The following KIF6 variants were observed in gnomAD, a reference collection of about 807,000 sequenced individuals.
KIF6 encodes the protein kinesin family member 6.
Under a neutral mutation model 112.7 loss-of-function variants are expected in KIF6, and 106 were observed. The ratio of observed to expected loss-of-function variants is 0.94; its 90% CI spans 0.80 to 1.11. The LOEUF (loss-of-function observed/expected upper bound fraction) is 1.11. Ranked by LOEUF, KIF6 falls within the 50% of genes least tolerant of loss-of-function variation. KIF6 has a pLI of 0.00. For missense variants in KIF6, 929 were observed against 964.0 expected, an observed-to-expected ratio of 0.96 and a Z score of 0.48; for synonymous variants, 339 against 339.9, an observed-to-expected ratio of 1.00 and a Z score of 0.03.
At chr6:39,527,250 G>C (rs1777788678) in intron 13 of KIF6, among the ~76,000 whole-genome samples, 1 of 152,206 alleles carries the variant, frequency 6.6e-6, no homozygotes, top group Admixed American at 6.5e-5. Flanking sequence ...CAGAAGCACT[G>C]AGAAAGCTGG....
chr6:39,723,167 G>C (rs1207731736), intron 1 of KIF6, among the ~76,000 whole-genome samples: 2 of 152,178 alleles, frequency 1.3e-5, no homozygotes, highest in Non-Finnish European at 2.9e-5. Flanking sequence ...TATTAGAGGA[G>C]AGAAAATGGG....
At chr6:39,344,167 A>G (rs1383476338) in intron 21 of KIF6, among the ~76,000 whole-genome samples, 2 of 152,168 alleles carry the variant, frequency 1.3e-5, no homozygotes, top group African/African-American at 2.4e-5. Flanking sequence ...TTCTCGTGGT[A>G]GTGAATAAGT....
chr6:39,352,628 G>A (rs1196176599), intron 19 of KIF6, among the ~76,000 whole-genome samples: 1 of 147,220 alleles, frequency 6.8e-6, no homozygotes, highest in African/African-American at 2.5e-5. Flanking sequence ...TTTTGAGATG[G>A]AGTCTTGCTC....
rs551456039 is a variant in KIF6 at position 39,390,954 on chromosome 6, G to A, written c.1811-5282C>T. 1.2e-3 allele frequency among the ~76,000 whole-genome samples: 176 copies of A among 152,258 alleles called. 1 individual carries two copies. In the Middle Eastern group the frequency reaches 0.014, roughly 12 times the overall value. On this transcript the variant is annotated intron_variant, in intron 15 of 22. Transcript: ENST00000287152. ...AGAATAAATTGTGTAATCCTTACACGGATTCCCAACTAACAGGAGGATGTA... is the reference window on the plus strand; with the variant it reads ...AGAATAAATTGTGTAATCCTTACACAGATTCCCAACTAACAGGAGGATGTA...
intron 20 of KIF6, among the ~76,000 whole-genome samples, chr6:39,346,133 CT>C (rs1465436350): frequency 0.043 from 3,865 of 89,284 alleles, 360 homozygotes; most frequent in African/African-American, 0.11. Flanking sequence ...CTCCCTCTCC[CT>C]CTCTCTCTCT....
chr6:39,586,534 T>G (rs1561838852), intron 7 of KIF6, 130 bp from the exon 8 acceptor site: 4 of 677,076 alleles, frequency 5.9e-6, no homozygotes, highest in Non-Finnish European at 1.0e-5. Context: ...GCCCAAAACT[T>G]AAGTACAGAA....
At chr6:39,640,741 C>T (rs1301905703) in intron 3 of KIF6, among the ~76,000 whole-genome samples, 1 of 152,158 alleles carries the variant, frequency 6.6e-6, no homozygotes, top group Non-Finnish European at 1.5e-5. Flanking sequence ...TCTCCTAAAA[C>T]ACACAGGTTT....
intron 16 of KIF6, among the ~76,000 whole-genome samples, chr6:39,371,797 A>T (rs908972093): frequency 6.6e-6 from 1 of 152,078 alleles, no homozygotes; most frequent in African/African-American, 2.4e-5. Flanking sequence ...CCAATAAGGC[A>T]CATTCCCTCA....
chr6:39,576,964 G>A (rs2150635290), intron 10 of KIF6, among the ~76,000 whole-genome samples: 1 of 152,268 alleles, frequency 6.6e-6, no homozygotes, highest in East Asian at 1.9e-4. Flanking sequence ...GAGGGGAAAG[G>A]AACACCATAG....
intron 5 of KIF6, among the ~76,000 whole-genome samples, chr6:39,626,381 A>C (rs1021377711): frequency 2.6e-5 from 4 of 152,146 alleles, no homozygotes; most frequent in Non-Finnish European, 5.9e-5. Context: ...CCTAGAAACC[A>C]CAGTCTGCTT....
chr6:39,575,505 T>C (rs961155172), intron 10 of KIF6, among the ~76,000 whole-genome samples: 8 of 152,068 alleles, frequency 5.3e-5, no homozygotes, highest in Non-Finnish European at 8.8e-5. Flanking sequence ...CTCCTGACTT[T>C]GTGATCCGCC....
chr6:39,594,247 T>C (rs1782114990), intron 7 of KIF6, among the ~76,000 whole-genome samples: 1 of 151,788 alleles, frequency 6.6e-6, no homozygotes, highest in Non-Finnish European at 1.5e-5. Context: ...ACATTTCTCT[T>C]GAGTGATTAC....
intron 3 of KIF6, among the ~76,000 whole-genome samples, chr6:39,641,511 G>A (rs988895722): frequency 6.6e-6 from 1 of 151,922 alleles, no homozygotes. Flanking sequence ...GGGGACGGGG[G>A]AGGGATAGCA....
chr6:39,590,376 T>C (rs193122594), intron 7 of KIF6, among the ~76,000 whole-genome samples: 1 of 150,368 alleles, frequency 6.7e-6, no homozygotes, highest in East Asian at 1.9e-4. Flanking sequence ...TAAAGGAGAA[T>C]ATGCTTATTA....
At chr6:39,635,925 C>T (rs1027638134) in intron 4 of KIF6, among the ~76,000 whole-genome samples, 2 of 151,970 alleles carry the variant, frequency 1.3e-5, no homozygotes, top group Non-Finnish European at 2.9e-5. Context: ...AGCAGGTTGC[C>T]AGGGTGTCAG....
At chr6:39,572,349 C>T (rs1427342830) in intron 10 of KIF6, among the ~76,000 whole-genome samples, 1 of 152,082 alleles carries the variant, frequency 6.6e-6, no homozygotes. Flanking sequence ...AAAACTGTAA[C>T]TCCTTGGAAT....
intron 13 of KIF6, among the ~76,000 whole-genome samples, chr6:39,509,979 G>A (rs1370920985): frequency 6.6e-6 from 1 of 152,176 alleles, no homozygotes; most frequent in Non-Finnish European, 1.5e-5. Flanking sequence ...GACAGCCAGA[G>A]AGAAAGGTCG....
At chr6:39,488,517 G>A (rs1266696579) in intron 13 of KIF6, among the ~76,000 whole-genome samples, 1 of 152,128 alleles carries the variant, frequency 6.6e-6, no homozygotes, top group African/African-American at 2.4e-5. Flanking sequence ...TAGGAGCCTG[G>A]GTTAGGTCTC....
At position 39,622,001 on chromosome 6, in the gene KIF6, A is replaced by G. The variant is rs191798223; in HGVS notation, c.510-8683T>C. ...GCCAACATGGTGAAACCCCATCTCT[A>G]TTAAAAATTCCAAAAATTAGACGGG... On this transcript the variant is annotated intron_variant, in intron 5 of 22. Transcript: ENST00000287152. 4.4e-3 allele frequency among the ~76,000 whole-genome samples: 676 copies of G among 152,118 alleles called. 5 individuals carry two copies. The highest frequency in any genetic ancestry group is 0.015 in the African/African-American group (631 of 41,514).
Sources: gnomAD v4.1 joint callset for allele counts (sites outside exome capture counted in the v4.1 genomes callset) on GRCh38, gnomAD v4.1.1 for gene constraint, MANE v1.5 for transcripts, NCBI Gene and HGNC (gene_info 2026-07-23, HGNC 2026-07-21) for gene names.